Variants in ATRX observed in about 807,000 individuals in gnomAD.
ATRX encodes ATRX chromatin remodeler.
A neutral mutation model predicts 172.6 loss-of-function variants in ATRX; 12 were observed. That is an observed-to-expected ratio of 0.07 (90% CI 0.04 to 0.11). The LOEUF (loss-of-function observed/expected upper bound fraction) is 0.11. Among genes scored for constraint, ATRX ranks in the 10% least tolerant of loss-of-function variants. The pLI, the probability that ATRX is intolerant of heterozygous loss-of-function variation, is 1.00. For missense variants in ATRX, 1,368 were observed against 1,767.4 expected, an observed-to-expected ratio of 0.77 and a Z score of 4.05; for synonymous variants, 674 against 594.7, an observed-to-expected ratio of 1.13 and a Z score of -1.94.
chrX:77,688,300 GTTAAAA>G, intron 7 of ATRX, among the ~76,000 whole-genome samples: 1 of 112,039 alleles, frequency 8.9e-6, no homozygotes, highest in South Asian at 3.7e-4. Context: ...GGCACAGACT[GTTAAAA>G]TTATAATCAA....
chrX:77,549,183 G>A (rs1052431763), intron 30 of ATRX, among the ~76,000 whole-genome samples: 1 of 111,103 alleles, frequency 9.0e-6, no homozygotes, highest in African/African-American at 3.3e-5. Flanking sequence ...CCAGGAGTTC[G>A]AGACCAGCCT....
Position 77,618,896 on chromosome X carries a change from A to G in ATRX, c.5358T>C (p.Asn1786=). The G allele has an allele frequency of 1.7e-6, 2 of 1,202,941 alleles. No individual in the cohort carries two copies. The highest frequency in any genetic ancestry group is 2.3e-6 in the Non-Finnish European group (2 of 887,650). ...FRNRFINPIQ[N]GQCADSTMVD... The stretch of plus-strand genomic sequence containing the variant: ...CCATGGTAGAATCTGCACACTGACC[A>G]TTTTGAATTGGATTTATAAATCTAT... Residue 1786 remains asparagine, a synonymous_variant, in exon 21 of 35, where the codon AAT becomes AAC. Coordinates refer to ENST00000373344, the MANE Select transcript of ATRX (RefSeq NM_000489.6).
intron 1 of ATRX, among the ~76,000 whole-genome samples, chrX:77,745,173 G>GAAAA (rs1247509964): frequency 3.6e-4 from 10 of 27,438 alleles, no homozygotes; most frequent in Non-Finnish European, 5.8e-4. Context: ...TCTCAAAAAT[G>GAAAA]AAAAAAAAAA....
intron 1 of ATRX, among the ~76,000 whole-genome samples, chrX:77,736,924 T>C (rs1018236632): frequency 1.8e-5 from 2 of 111,422 alleles, no homozygotes; most frequent in Admixed American, 1.9e-4. Context: ...TGCAACAACA[T>C]GGATGGAACT....
intron 30 of ATRX, among the ~76,000 whole-genome samples, chrX:77,551,053 A>C (rs1215807505): frequency 7.2e-5 from 8 of 111,464 alleles, no homozygotes; most frequent in African/African-American, 2.6e-4. Flanking sequence ...AGGTAATTTA[A>C]AGATTCAATG....
intron 30 of ATRX, among the ~76,000 whole-genome samples, chrX:77,527,621 C>T (rs2063425720): frequency 9.0e-6 from 1 of 111,587 alleles, no homozygotes; most frequent in Non-Finnish European, 1.9e-5. Context: ...CCCCGGGATC[C>T]CCGCCAAGGC....
intron 14 of ATRX, among the ~76,000 whole-genome samples, chrX:77,653,765 T>A (rs1175002021): frequency 3.6e-5 from 4 of 111,975 alleles, no homozygotes; most frequent in Non-Finnish European, 7.5e-5. Context: ...ATTGGCTGAT[T>A]TCACTATGAG....
chrX:77,696,358 T>C (rs1255164363), intron 5 of ATRX, among the ~76,000 whole-genome samples: 3 of 111,700 alleles, frequency 2.7e-5, no homozygotes, highest in East Asian at 2.8e-4. Context: ...AAGAAAAAAA[T>C]AGATTTCATT....
intron 27 of ATRX, among the ~76,000 whole-genome samples, chrX:77,579,232 A>T (rs1403691343): frequency 8.9e-6 from 1 of 112,569 alleles, no homozygotes; most frequent in Non-Finnish European, 1.9e-5. Flanking sequence ...ACATGAAGGG[A>T]AAGACCCAGT....
intron 34 of ATRX, among the ~76,000 whole-genome samples, chrX:77,518,672 C>T: frequency 8.9e-6 from 1 of 111,804 alleles, no homozygotes; most frequent in Middle Eastern, 4.6e-3. Flanking sequence ...TTTCATGGAA[C>T]CACAGAAGAC....
rs1348394473 is a variant in ATRX at position 77,786,183 on chromosome X, G to T, written c.-182C>A. ...GCCGCAGGAGCCGCGGAAACAAAGC[G>T]ACACCGCTGCCGCCGCCATTTTGTT... On this transcript the variant is annotated 5_prime_UTR_variant, in exon 1 of 35. It introduces an in-frame stop codon into an upstream open reading frame of the 5' UTR. Transcript: ENST00000373344. 4.1e-6 allele frequency: 2 copies of T among 485,995 alleles called. No homozygotes were observed. Among genetic ancestry groups the T allele is most frequent in the African/African-American group, 2.4e-5 (1 of 41,714 alleles). The allele number at this position is 485,995 out of a possible 1,213,427, so 40.1% of individuals were successfully genotyped here.
At chrX:77,750,765 T>C (rs189586680) in intron 1 of ATRX, among the ~76,000 whole-genome samples, 1 of 109,093 alleles carries the variant, frequency 9.2e-6, no homozygotes, top group East Asian at 2.9e-4. Context: ...CACTTATGAG[T>C]GAGAACGTGC....
chrX:77,723,820 A>C (rs1241187110), intron 1 of ATRX, among the ~76,000 whole-genome samples: 1 of 111,905 alleles, frequency 8.9e-6, no homozygotes, highest in Non-Finnish European at 1.9e-5. Flanking sequence ...AACGATAGCA[A>C]ACCTGCACAA....
chrX:77,549,489 A>C (rs782799983), intron 30 of ATRX, among the ~76,000 whole-genome samples: 12 of 112,768 alleles, frequency 1.1e-4, no homozygotes, highest in African/African-American at 3.5e-4. Context: ...ATTTACATAA[A>C]TGTTAACAGG....
intron 1 of ATRX, among the ~76,000 whole-genome samples, chrX:77,760,791 C>G (rs1395515693): frequency 9.0e-6 from 1 of 111,277 alleles, no homozygotes; most frequent in African/African-American, 3.3e-5. Context: ...ATATTTCCCA[C>G]TTAAATAATA....
rs2147737827 is a variant in ATRX, at chrX:77,520,876, G to A, written c.7112C>T (p.Ala2371Val). 8.3e-7 allele frequency: 1 copy of A among 1,209,042 alleles called. No individual in the cohort carries two copies. Among genetic ancestry groups the A allele is most frequent in the Non-Finnish European group, 1.1e-6 (1 of 893,412 alleles). ...GCTGGCTTGTCTACTTAATGCTAAC[G>A]CCTGTACTTGGGCCTCTGAGAGATT... ...NMNLSEAQVQ[A>V]LALSRQASQE... The change falls in exon 34 of 35, where the codon GCG becomes GTG. Residue 2371 changes from alanine to valine, a missense_variant. By Grantham distance (64) the Ala-to-Val change is moderately conservative. Transcript: ENST00000373344.
At chrX:77,631,323 A>T (rs1382889412) in intron 19 of ATRX, among the ~76,000 whole-genome samples, 6 of 111,548 alleles carry the variant, frequency 5.4e-5, no homozygotes, top group Non-Finnish European at 1.1e-4. Context: ...TTTTTTCTTT[A>T]AAAAAATCCA....
chrX:77,614,848 A>C (rs782064488), intron 22 of ATRX, among the ~76,000 whole-genome samples: 24 of 111,984 alleles, frequency 2.1e-4, no homozygotes, highest in Non-Finnish European at 4.5e-4. Flanking sequence ...GTCTGTACCC[A>C]TTAACCAACC....
intron 28 of ATRX, among the ~76,000 whole-genome samples, chrX:77,573,618 C>T (rs1475128691): frequency 5.4e-5 from 6 of 111,306 alleles, no homozygotes; most frequent in Non-Finnish European, 1.1e-4. Flanking sequence ...GATGCCACTA[C>T]ACATACATTA....
Sources: gnomAD v4.1 joint callset for allele counts (sites outside exome capture counted in the v4.1 genomes callset) on GRCh38, gnomAD v4.1.1 for gene constraint, MANE v1.5 for transcripts, NCBI Gene and HGNC (gene_info 2026-07-23, HGNC 2026-07-21) for gene names.